The following VSIG8 variants were observed in gnomAD, a reference collection of about 807,000 sequenced individuals.
VSIG8 encodes V-set and immunoglobulin domain containing 8, also known as V-set and immunoglobulin domain-containing protein 8.
VSIG8 carries 32 observed loss-of-function variants against 42.6 expected under a neutral mutation model. The observed-to-expected ratio is 0.75, with a 90% CI of 0.57 to 1.01. VSIG8 has a LOEUF of 1.01. VSIG8 is among the 50% of genes least tolerant of loss of function. The pLI, the probability that VSIG8 is intolerant of heterozygous loss-of-function variation, is 0.00. For missense variants in VSIG8, 529 were observed against 558.0 expected, an observed-to-expected ratio of 0.95 and a Z score of 0.52; for synonymous variants, 290 against 243.8, an observed-to-expected ratio of 1.19 and a Z score of -1.77.
In VSIG8 at chr1:159,854,822, C is replaced by T. The variant is rs1207503768; in HGVS notation, c.1176G>A (p.Lys392=). ...AGTCAGCCGGCTCCGCGCTCTTGAC[C>T]TTGACGTAGACCGGGGAGGGGCCCG... ...CEAGPSPVYV[K]VKSAEPADCA... Residue 392 remains lysine (K), a synonymous_variant, in exon 7 of 7, where the codon AAG becomes AAA. Transcript: ENST00000368100. The T allele has an allele frequency of 6.7e-7, 1 of 1,501,664 alleles. No homozygotes were observed. The highest frequency in any genetic ancestry group is 8.8e-7 in the Non-Finnish European group (1 of 1,132,866). 93.0% of individuals were successfully genotyped at this position (1,501,664 alleles called of 1,614,324 possible).
chr1:159,862,511 C>A lies in VSIG8; in HGVS notation c.11G>T (p.Gly4Val). ...CACGAGTAGAAGGTGGAATGCTCCTCCAACTCTCATGTCTCTAGGCTCGGT... is the reference window on the plus strand; with the variant it reads ...CACGAGTAGAAGGTGGAATGCTCCTACAACTCTCATGTCTCTAGGCTCGGT... Reference protein sequence around the residue: MRVGGAFHLLLVCL... With the variant: MRVVGAFHLLLVCL... Residue 4 changes from glycine to valine, a missense_variant, in exon 1 of 7, where the codon GGA becomes GTA. By Grantham distance (109) the Gly-to-Val change is moderately radical. Coordinates refer to ENST00000368100, the MANE Select transcript of VSIG8 (RefSeq NM_001013661.1). 1 of 1,613,370 alleles carries A rather than the reference C, an allele frequency of 6.2e-7. No individual in the cohort carries two copies. Among genetic ancestry groups the A allele is most frequent in the Non-Finnish European group, 8.5e-7 (1 of 1,179,526 alleles).
At chr1:159,857,438 G>T (rs375500810) in intron 4 of VSIG8, among the ~76,000 whole-genome samples, 25 of 152,182 alleles carry the variant, frequency 1.6e-4, no homozygotes, top group Non-Finnish European at 3.5e-4. Flanking sequence ...AGCCAGGTGC[G>T]GTGGTGCATG....
chr1:159,856,652 G>T lies in VSIG8; in HGVS notation c.653-9C>A, dbSNP rs112911046. 594 of 1,613,374 alleles carry T rather than the reference G, an allele frequency of 3.7e-4. 3 individuals carry two copies. In the African/African-American group the frequency reaches 5.9e-3, roughly 16 times the overall value. On this transcript the variant is annotated splice_polypyrimidine_tract_variant and intron_variant, in intron 4 of 6. Transcript: ENST00000368100. ...GTCCCCATTGTTCAGGCCTGAAAGT[G>T]AAGTGGAGAGAGGCCTGGTCTCTGA... is the stretch of plus-strand genomic sequence containing the variant.
rs1194000880 is a variant in VSIG8, at chr1:159,857,733, G to A, written c.652+12C>T. ...ACTCACCCCCGACTGCCCTCATCCA[G>A]GGCCCTCTCACCTTGGTTTATGGAG... On this transcript the variant is annotated intron_variant, in intron 4 of 6. Coordinates refer to ENST00000368100, the MANE Select transcript of VSIG8 (RefSeq NM_001013661.1). The A allele has an allele frequency of 6.2e-7, 1 of 1,612,770 alleles. No individual in the cohort carries two copies. Among genetic ancestry groups the A allele is most frequent in the Non-Finnish European group, 8.5e-7 (1 of 1,178,994 alleles).
rs561788700 is a variant in VSIG8 at position 159,855,938 on chromosome 1, C to T, written c.916G>A (p.Gly306Ser). 3 of 1,572,694 alleles carry T rather than the reference C, an allele frequency of 1.9e-6. No individual in the cohort carries two copies. Among genetic ancestry groups the T allele is most frequent in the Admixed American group, 3.7e-5 (2 of 53,874 alleles). Residue 306 changes from glycine (G) to serine (S), a missense_variant, in exon 6 of 7, where the codon GGC becomes AGC. Gly to Ser is a moderately conservative substitution (Grantham distance 56, BLOSUM62 0). Transcript: ENST00000368100. ...AGGARGAFGY[G>S]NGGGVGGGAC... ...CCTCCGCCGACCCCGCCGCCGTTGC[C>T]GTAGCCGAAGGCACCGCGGGCGCCG...
At chr1:159,855,253 T>G in intron 6 of VSIG8, 1 of 1,551,250 alleles carries the variant, frequency 6.4e-7, no homozygotes, top group Non-Finnish European at 8.7e-7. Flanking sequence ...AGACAGGGCT[T>G]GTCCACGCGT....
intron 6 of VSIG8, chr1:159,855,297 C>A (rs993743184): frequency 2.6e-6 from 4 of 1,534,474 alleles, no homozygotes; most frequent in Non-Finnish European, 3.5e-6. Context: ...CCCCTCCAGG[C>A]CCCTGCAATC....
chr1:159,858,982 C>A, intron 1 of VSIG8, 70 bp from the exon 2 acceptor site: 1 of 1,514,446 alleles, frequency 6.6e-7, no homozygotes, highest in Non-Finnish European at 8.9e-7. Flanking sequence ...CAGTGTCAGC[C>A]CTTCCCTTCA....
Position 159,858,722 on chromosome 1 carries a change from C to G in VSIG8, c.228+12G>C. Reference sequence around the variant, plus strand: ...AGCCTAGAGGAAGGAGACCCCTGTGCCCAGCACTCACCACGTTCTCTCGGT... The same window carrying G: ...AGCCTAGAGGAAGGAGACCCCTGTGGCCAGCACTCACCACGTTCTCTCGGT... On this transcript the variant is annotated intron_variant, in intron 2 of 6. Transcript: ENST00000368100. The G allele has an allele frequency of 6.2e-7, 1 of 1,604,402 alleles. No homozygotes were observed. Among genetic ancestry groups the G allele is most frequent in the Non-Finnish European group, 8.5e-7 (1 of 1,175,476 alleles).
Position 159,858,823 on chromosome 1 carries a change from C to A in VSIG8, c.139G>T (p.Val47Phe). 6.2e-7 allele frequency: 1 copy of A among 1,613,998 alleles called. No individual in the cohort carries two copies. Among genetic ancestry groups the A allele is most frequent in the African/African-American group, 1.3e-5 (1 of 74,954 alleles). The change falls in exon 2 of 7, where the codon GTC becomes TTC. Residue 47 changes from valine (V) to phenylalanine (F), a missense_variant. Val to Phe is a conservative substitution (Grantham distance 50). Coordinates refer to ENST00000368100, the MANE Select transcript of VSIG8 (RefSeq NM_001013661.1). ...GGACCATAGTCCTCAGGGTCCAGGA[C>A]GTAGGGGCAGCCCAGCCTCACATTA... ...GDNVRLGCPY[V>F]LDPEDYGPNG...
chr1:159,857,876 TG>T lies in VSIG8; in HGVS notation c.520del (p.Gln174SerfsTer42), dbSNP rs751188187. Reference sequence around the variant, plus strand: ...CTTGGCCCACTTGTAGGAGAGGGGCTGGGAGCCCCCACTGGCATAGCACTTC... The same window carrying T: ...CTTGGCCCACTTGTAGGAGAGGGGCTGGAGCCCCCACTGGCATAGCACTTC... ...VLKCYASGGS[Q>X]PLSYKWAKIS... is the part of the protein sequence containing the mutation. On this transcript the variant is annotated frameshift_variant, in exon 4 of 7. Coordinates refer to ENST00000368100, the MANE Select transcript of VSIG8 (RefSeq NM_001013661.1). LOFTEE classifies it high-confidence loss of function. The T allele has an allele frequency of 6.2e-7, 1 of 1,614,200 alleles. No individual in the cohort carries two copies. The highest frequency in any genetic ancestry group is 1.7e-5 in the Admixed American group (1 of 60,032).
At chr1:159,858,621 T>C in intron 2 of VSIG8, 113 bp downstream of exon 2, 1 of 1,269,380 alleles carries the variant, frequency 7.9e-7, no homozygotes, top group Non-Finnish European at 1.1e-6. Flanking sequence ...CCTCATTCCC[T>C]GAAAGGCCTT....
At position 159,855,888 on chromosome 1, in the gene VSIG8, C is replaced by T; in HGVS notation, c.966G>A (p.Glu322=). 1 of 1,557,288 alleles carries T rather than the reference C, an allele frequency of 6.4e-7. No individual in the cohort carries two copies. ...CAGCATGCATCAGGTTTTACCTGAT[C>T]TCACTAGCCAAGTCGCCGCAGGCCC... ...GGGACGDLAS[E]IREDAVAPGC... Residue 322 remains glutamate, a synonymous_variant, in exon 6 of 7, where the codon GAG becomes GAA. Coordinates refer to ENST00000368100, the MANE Select transcript of VSIG8 (RefSeq NM_001013661.1).
At chr1:159,856,486 C>T in intron 5 of VSIG8, 38 bp downstream of exon 5, 1 of 1,609,454 alleles carries the variant, frequency 6.2e-7, no homozygotes, top group Middle Eastern at 1.7e-4. Flanking sequence ...CCAGTTCAAC[C>T]CTCCCAACCA....
At chr1:159,856,844 G>A (rs1648849867) in intron 4 of VSIG8, among the ~76,000 whole-genome samples, 1 of 152,014 alleles carries the variant, frequency 6.6e-6, no homozygotes, top group African/African-American at 2.4e-5. Flanking sequence ...TGCAAGAAAG[G>A]ACCTCTCTCC....
At position 159,860,263 on chromosome 1, in the gene VSIG8, G is replaced by C. The variant is rs1343771997; in HGVS notation, c.50-1351C>G. ...GCCCACTCTTACAAGGCTTCAAAAT[G>C]CAGATACATACCTATATGGCCCCAC... On this transcript the variant is annotated intron_variant, in intron 1 of 6. Transcript: ENST00000368100. Among the ~76,000 whole-genome samples, 2 of 152,186 alleles carry C rather than the reference G, an allele frequency of 1.3e-5. 1 individual carries two copies.
rs1473071120 is a variant in VSIG8, at chr1:159,855,933, G to T, written c.921C>A (p.Asn307Lys). Residue 307 changes from asparagine (N) to lysine (K), a missense_variant, in exon 6 of 7, where the codon AAC becomes AAA. Physicochemically the swap from Asn to Lys is moderately conservative, Grantham distance 94 (BLOSUM62 0). Coordinates refer to ENST00000368100, the MANE Select transcript of VSIG8 (RefSeq NM_001013661.1). ...GGARGAFGYG[N>K]GGGVGGGACG... Reference sequence around the variant, plus strand: ...AGGCCCCTCCGCCGACCCCGCCGCCGTTGCCGTAGCCGAAGGCACCGCGGG... The same window carrying T: ...AGGCCCCTCCGCCGACCCCGCCGCCTTTGCCGTAGCCGAAGGCACCGCGGG... The T allele has an allele frequency of 6.4e-7, 1 of 1,570,122 alleles. No homozygotes were observed. The highest frequency in any genetic ancestry group is 8.6e-7 in the Non-Finnish European group (1 of 1,158,524).
chr1:159,858,211 G>A lies in VSIG8; in HGVS notation c.309C>T (p.Asp103=). 1 of 1,614,238 alleles carries A rather than the reference G, an allele frequency of 6.2e-7. No homozygotes were observed. Among genetic ancestry groups the A allele is most frequent in the Non-Finnish European group, 8.5e-7 (1 of 1,180,044 alleles). Residue 103 remains aspartate (D), a synonymous_variant, in exon 3 of 7, where the codon GAC becomes GAT. Coordinates refer to ENST00000368100, the MANE Select transcript of VSIG8 (RefSeq NM_001013661.1). ...LQQRVRFAAS[D]PSQYDASINL... ...TGATGGAGGCATCGTACTGGCTTGG[G>A]TCTGAGGCTGCAAAGCGGACCCTCT...
At chr1:159,857,428 AG>A (rs1186516789) in intron 4 of VSIG8, among the ~76,000 whole-genome samples, 1 of 152,112 alleles carries the variant, frequency 6.6e-6, no homozygotes, top group Non-Finnish European at 1.5e-5. Context: ...ACAAAAAATT[AG>A]CCAGGTGCGG....
Sources: allele counts gnomAD v4.1 joint callset (sites outside exome capture counted in the v4.1 genomes callset), GRCh38; gene constraint gnomAD v4.1.1; transcripts MANE v1.5; gene names NCBI Gene and HGNC (gene_info 2026-07-23, HGNC 2026-07-21).